Variants in MAST4 observed in about 807,000 individuals in gnomAD.
MAST4 encodes the protein microtubule-associated serine/threonine-protein kinase 4.
In MAST4, 89 loss-of-function variants were observed where a neutral mutation model predicts 162.7. The observed-to-expected ratio is 0.55, with a 90% CI of 0.46 to 0.65. The LOEUF (loss-of-function observed/expected upper bound fraction) is 0.65. Ranked by LOEUF, MAST4 falls within the 30% of genes least tolerant of loss-of-function variation. The pLI is 0.00. For missense variants in MAST4, 3,153 were observed against 3,374.0 expected (o/e 0.93, Z 1.62); for synonymous variants, 1,479 against 1,361.1 (o/e 1.09, Z -1.91).
rs565357347 is a variant in MAST4 at position 67,077,954 on chromosome 5, C to T, written c.764-12208C>T. Among the ~76,000 whole-genome samples the T allele has an allele frequency of 3.1e-3, 478 of 152,140 alleles. 1 individual carries two copies. Among genetic ancestry groups the T allele is most frequent in the Middle Eastern group, 0.014 (4 of 292 alleles). ...CTCTCTACTAAATACAACAAAATAGCTGGGCGTGGAGGTAGGCGCCTGTAT... is the reference window on the plus strand; with the variant it reads ...CTCTCTACTAAATACAACAAAATAGTTGGGCGTGGAGGTAGGCGCCTGTAT... On this transcript the variant is annotated intron_variant, in intron 5 of 28. Transcript: ENST00000403625.
chr5:67,078,491 A>G lies in MAST4; in HGVS notation c.764-11671A>G, dbSNP rs79426348. Among the ~76,000 whole-genome samples, 1,440 of 151,314 alleles carry G rather than the reference A, an allele frequency of 9.5e-3. 28 individuals carry two copies. The highest frequency in any genetic ancestry group is 0.032 in the African/African-American group (1,344 of 41,388). On this transcript the variant is annotated intron_variant, in intron 5 of 28. Transcript: ENST00000403625. ...ATCATCTGAAGAAACATGAAACGTTATATGAGGTGATGGCTATGTTAATTA... is the reference window on the plus strand; with the variant it reads ...ATCATCTGAAGAAACATGAAACGTTGTATGAGGTGATGGCTATGTTAATTA...
At chr5:66,721,027 C>T (rs1246757063) in intron 1 of MAST4, among the ~76,000 whole-genome samples, 1 of 152,162 alleles carries the variant, frequency 6.6e-6, no homozygotes, top group African/African-American at 2.4e-5. Flanking sequence ...CCAGTCCTTT[C>T]CTGTTCCCCA....
At chr5:66,820,927 T>C (rs1301308597) in intron 3 of MAST4, among the ~76,000 whole-genome samples, 1 of 152,228 alleles carries the variant, frequency 6.6e-6, no homozygotes, top group Non-Finnish European at 1.5e-5. Flanking sequence ...AATATAGCTT[T>C]CTTGTGAAAA....
chr5:66,624,717 A>G (rs568246577), intron 1 of MAST4, among the ~76,000 whole-genome samples: 22 of 152,318 alleles, frequency 1.4e-4, no homozygotes, highest in Admixed American at 6.5e-4. Context: ...GTGGAAAAGA[A>G]TAGAGAGCCC....
At chr5:66,731,342 T>C (rs1227801049) in intron 1 of MAST4, among the ~76,000 whole-genome samples, 1 of 152,218 alleles carries the variant, frequency 6.6e-6, no homozygotes, top group Non-Finnish European at 1.5e-5. Context: ...TAATGTGTCA[T>C]GATAGTTTAA....
intron 3 of MAST4, among the ~76,000 whole-genome samples, chr5:66,808,093 T>C (rs1756291769): frequency 4.6e-5 from 7 of 152,236 alleles, no homozygotes; most frequent in Admixed American, 4.6e-4. Context: ...CAATGCACTC[T>C]TTTCCCAGCT....
intron 4 of MAST4, among the ~76,000 whole-genome samples, chr5:66,965,199 TAA>T (rs978202837): frequency 1.6e-4 from 23 of 139,930 alleles, no homozygotes; most frequent in African/African-American, 5.2e-4. Flanking sequence ...TCCTAAAACA[TAA>T]GAGTAGTTTT....
At chr5:66,821,138 A>G (rs1378721201) in intron 3 of MAST4, among the ~76,000 whole-genome samples, 1 of 152,234 alleles carries the variant, frequency 6.6e-6, no homozygotes, top group African/African-American at 2.4e-5. Context: ...TACTCTGGAT[A>G]AATTCAGACT....
chr5:66,882,493 C>G (rs1761755821), intron 3 of MAST4, among the ~76,000 whole-genome samples: 1 of 151,994 alleles, frequency 6.6e-6, no homozygotes, highest in Admixed American at 6.6e-5. Context: ...CTGTACTGAT[C>G]ATTTATTTTG....
At chr5:66,880,101 A>G (rs770048591) in intron 3 of MAST4, among the ~76,000 whole-genome samples, 1 of 152,250 alleles carries the variant, frequency 6.6e-6, no homozygotes, top group Non-Finnish European at 1.5e-5. Flanking sequence ...CCATACAGCT[A>G]TGTAAAAGAC....
chr5:66,908,200 C>T (rs145546471), intron 4 of MAST4, among the ~76,000 whole-genome samples: 4 of 152,266 alleles, frequency 2.6e-5, no homozygotes, highest in Non-Finnish European at 5.9e-5. Flanking sequence ...GTATTTGGCA[C>T]GTATTTGCAG....
chr5:67,021,190 C>G (rs544901348), intron 4 of MAST4, among the ~76,000 whole-genome samples: 2 of 152,294 alleles, frequency 1.3e-5, no homozygotes, highest in East Asian at 3.9e-4. Flanking sequence ...GGAGTATAGC[C>G]AAGGCCTTGA....
chr5:66,789,373 C>T lies in MAST4; in HGVS notation c.642+579C>T, dbSNP rs559775225. 1.6e-4 allele frequency among the ~76,000 whole-genome samples: 25 copies of T among 152,262 alleles called. No homozygotes were observed. In the South Asian group the frequency reaches 4.8e-3, roughly 29 times the overall value. ...GTTTTATCGATTGACTCATTAATGT[C>T]CTTTATAGAATTTTCCCTCTCCAGT... On this transcript the variant is annotated intron_variant, in intron 3 of 28. Transcript: ENST00000403625.
At chr5:67,075,349 T>A (rs906603418) in intron 5 of MAST4, among the ~76,000 whole-genome samples, 2 of 151,828 alleles carry the variant, frequency 1.3e-5, no homozygotes, top group Non-Finnish European at 2.9e-5. Context: ...ACTTTTTGTA[T>A]TTTTTTGTAG....
intron 4 of MAST4, among the ~76,000 whole-genome samples, chr5:66,920,161 G>A (rs757701664): frequency 3.3e-5 from 5 of 152,080 alleles, no homozygotes; most frequent in African/African-American, 4.8e-5. Context: ...AGAGTCAATC[G>A]TGATATATTC....
rs779901154 is a variant in MAST4, at chr5:66,760,079, ATTTATTTATTT to A, written c.517+218_517+228del. 7.9e-3 allele frequency among the ~76,000 whole-genome samples: 1,075 copies of A among 136,132 alleles called. 7 individuals carry two copies. Among genetic ancestry groups the A allele is most frequent in the African/African-American group, 0.019 (708 of 36,704 alleles). The allele number at this position is 136,132 out of a possible 152,430, so 89.3% of individuals were successfully genotyped here. ...TTTACATGCAGTGACAATATCCCCT[ATTTATTTATTT>A]ATTTATTTATTTATTTATTTATTTA... On this transcript the variant is annotated intron_variant, in intron 2 of 28. Coordinates refer to ENST00000403625, the MANE Select transcript of MAST4 (RefSeq NM_001164664.2).
At chr5:66,848,101 C>T (rs1224434110) in intron 3 of MAST4, among the ~76,000 whole-genome samples, 1 of 151,994 alleles carries the variant, frequency 6.6e-6, no homozygotes, top group East Asian at 1.9e-4. Context: ...AAAAAGTATC[C>T]TACTCTTTTG....
chr5:67,087,837 T>C (rs1428330172), intron 5 of MAST4, among the ~76,000 whole-genome samples: 4 of 152,192 alleles, frequency 2.6e-5, no homozygotes, highest in Non-Finnish European at 4.4e-5. Context: ...CTAACACCTC[T>C]ATAGTCTTGA....
Position 66,887,347 on chromosome 5 carries a change from T to G in MAST4, c.643-12604T>G, listed in dbSNP as rs527919832. ...ACCAGCCTTTATGATGCCAGAGTTG[T>G]GTTGATGTCTGGTGTGTATTTGGAT... On this transcript the variant is annotated intron_variant, in intron 3 of 28. Transcript: ENST00000403625. Among the ~76,000 whole-genome samples the G allele has an allele frequency of 6.6e-5, 10 of 152,358 alleles. No individual in the cohort carries two copies. The South Asian group carries it at 2.1e-3, about 32-fold the overall frequency.
Sources: allele counts gnomAD v4.1 joint callset (sites outside exome capture counted in the v4.1 genomes callset), GRCh38; gene constraint gnomAD v4.1.1; transcripts MANE v1.5; gene names NCBI Gene and HGNC (gene_info 2026-07-23, HGNC 2026-07-21).